The following NCOA2 variants were observed in gnomAD, a reference collection of about 807,000 sequenced individuals.
NCOA2 encodes class E basic helix-loop-helix protein 75.
A neutral mutation model predicts 145.1 loss-of-function variants in NCOA2; 21 were observed. The observed-to-expected ratio is 0.14, with a 90% confidence interval of 0.10 to 0.21. NCOA2 has a LOEUF of 0.21. Among genes scored for constraint, NCOA2 ranks in the 10% least tolerant of loss-of-function variants. NCOA2 has a pLI of 1.00. For missense variants in NCOA2, 1,472 were observed against 1,837.6 expected, an observed-to-expected ratio of 0.80 and a Z score of 3.64; for synonymous variants, 619 against 637.5, an observed-to-expected ratio of 0.97 and a Z score of 0.44.
chr8:70,221,099 A>G (rs1016464336), intron 2 of NCOA2, among the ~76,000 whole-genome samples: 80 of 152,192 alleles, frequency 5.3e-4, no homozygotes, highest in African/African-American at 1.9e-3. Flanking sequence ...ATGAGAACAG[A>G]AAGACTTAGA....
intron 1 of NCOA2, among the ~76,000 whole-genome samples, chr8:70,311,515 G>T (rs573459885): frequency 6.6e-6 from 1 of 152,140 alleles, no homozygotes; most frequent in Non-Finnish European, 1.5e-5. Context: ...TATAAAAGTC[G>T]TAACAGTGTA....
intron 4 of NCOA2, among the ~76,000 whole-genome samples, chr8:70,204,017 CT>C (rs761048035): frequency 1.4e-3 from 207 of 144,502 alleles, no homozygotes; most frequent in Non-Finnish European, 1.3e-3. Context: ...TCATAGGATT[CT>C]TTTTTTTTTT....
chr8:70,366,184 G>A (rs1230980909), intron 1 of NCOA2, among the ~76,000 whole-genome samples: 3 of 152,084 alleles, frequency 2.0e-5, no homozygotes, highest in African/African-American at 2.4e-5. Context: ...AAGATCCCAC[G>A]AGAGCCCTCC....
intron 1 of NCOA2, among the ~76,000 whole-genome samples, chr8:70,330,697 T>C (rs1807022257): frequency 6.6e-6 from 1 of 152,172 alleles, no homozygotes; most frequent in Admixed American, 6.5e-5. Context: ...TATGTCATAG[T>C]ACAAAAGCAA....
At position 70,126,524 on chromosome 8, in the gene NCOA2, C is replaced by T. The variant is rs545740054; in HGVS notation, c.3916+289G>A. On this transcript the variant is annotated intron_variant, in intron 19 of 22. Coordinates refer to ENST00000452400, the MANE Select transcript of NCOA2 (RefSeq NM_006540.4). ...AAACATAGATCCATACACGCTCGCA[C>T]ACAAGATAGACACAGTCTATGCACA... 17 of 431,250 alleles carry T rather than the reference C, an allele frequency of 3.9e-5. No individual in the cohort carries two copies. In the South Asian group the frequency reaches 6.7e-4, roughly 17 times the overall value. The allele number at this position is 431,250 out of a possible 1,614,324, so 26.7% of individuals were successfully genotyped here.
At chr8:70,206,991 A>G (rs977826130) in intron 4 of NCOA2, among the ~76,000 whole-genome samples, 1 of 152,216 alleles carries the variant, frequency 6.6e-6, no homozygotes, top group African/African-American at 2.4e-5. Context: ...TGTTCCCTAC[A>G]GTTCCACAGC....
At chr8:70,249,632 T>C (rs1822932993) in intron 2 of NCOA2, among the ~76,000 whole-genome samples, 1 of 152,112 alleles carries the variant, frequency 6.6e-6, no homozygotes, top group Non-Finnish European at 1.5e-5. Flanking sequence ...CTTAGTTTGA[T>C]ATCATGTTCA....
At chr8:70,309,549 T>TA (rs1379794344) in intron 1 of NCOA2, among the ~76,000 whole-genome samples, 2 of 151,954 alleles carry the variant, frequency 1.3e-5, no homozygotes, top group East Asian at 1.9e-4. Context: ...TATAATGGTT[T>TA]AAAAAAACAA....
intron 1 of NCOA2, among the ~76,000 whole-genome samples, chr8:70,386,148 T>C (rs745607590): frequency 1.3e-5 from 2 of 152,316 alleles, no homozygotes; most frequent in East Asian, 3.9e-4. Context: ...TCAAGTACTG[T>C]TCCCCACTAT....
At chr8:70,448,168 T>C in the NCOA2 span, among the ~76,000 whole-genome samples, 1 of 152,228 alleles carries the variant, frequency 6.6e-6, no homozygotes, top group Admixed American at 6.5e-5. Context: ...GCTAATTTTT[T>C]TTCCTTCTTG....
At chr8:70,347,139 C>A (rs1808732110) in intron 1 of NCOA2, among the ~76,000 whole-genome samples, 1 of 152,102 alleles carries the variant, frequency 6.6e-6, no homozygotes, top group South Asian at 2.1e-4. Flanking sequence ...CACACATGTA[C>A]TTTTATCTTA....
At chr8:70,245,939 G>C (rs931581454) in intron 2 of NCOA2, among the ~76,000 whole-genome samples, 2 of 152,010 alleles carry the variant, frequency 1.3e-5, no homozygotes, top group African/African-American at 4.8e-5. Flanking sequence ...TAAAACACAT[G>C]TAAACATACT....
At chr8:70,257,893 A>G (rs1308983942) in intron 2 of NCOA2, among the ~76,000 whole-genome samples, 6 of 151,142 alleles carry the variant, frequency 4.0e-5, no homozygotes, top group South Asian at 2.1e-4. Flanking sequence ...AAAAAAAAAA[A>G]GAAAGATGAG....
the NCOA2 span, among the ~76,000 whole-genome samples, chr8:70,440,687 G>C: frequency 4.4e-4 from 64 of 146,316 alleles, 1 homozygote. Context: ...GAAAGAAAGA[G>C]AGAAAGAGGA....
intron 1 of NCOA2, chr8:70,357,468 G>A (rs1809810247): frequency 6.6e-6 from 1 of 152,418 alleles, no homozygotes. Context: ...AAGGCCAGGT[G>A]CGGTGGCTCA....
chr8:70,447,683 T>TTTTTTC, the NCOA2 span, among the ~76,000 whole-genome samples: 2 of 50,268 alleles, frequency 4.0e-5, no homozygotes, highest in African/African-American at 1.5e-4. Flanking sequence ...CTTTGTTTTC[T>TTTTTTC]TTTTTTTTTT....
chr8:70,160,696 A>AGG (rs1812882270), intron 9 of NCOA2, among the ~76,000 whole-genome samples: 1 of 138,316 alleles, frequency 7.2e-6, no homozygotes, highest in African/African-American at 2.6e-5. Context: ...AGAGAGAGAG[A>AGG]GAGAGACTGA....
At chr8:70,147,802 TTTTA>T (rs1273887280) in intron 12 of NCOA2, among the ~76,000 whole-genome samples, 5 of 152,122 alleles carry the variant, frequency 3.3e-5, no homozygotes, top group Admixed American at 3.3e-4. Context: ...TAGTAGAATA[TTTTA>T]TTATTTTTTT....
the NCOA2 span, among the ~76,000 whole-genome samples, chr8:70,412,647 C>CAAAAAA: frequency 6.2e-5 from 3 of 48,280 alleles, no homozygotes; most frequent in East Asian, 4.5e-4. Flanking sequence ...TACTTCGTCT[C>CAAAAAA]AAAAAAAAAA....
Sources: gnomAD v4.1 joint callset for allele counts (sites outside exome capture counted in the v4.1 genomes callset) on GRCh38, gnomAD v4.1.1 for gene constraint, MANE v1.5 for transcripts, NCBI Gene and HGNC (gene_info 2026-07-23, HGNC 2026-07-21) for gene names.